The following EP400 variants were observed in gnomAD, a reference collection of about 807,000 sequenced individuals.
EP400 encodes the protein E1A-binding protein p400.
EP400 carries 105 observed loss-of-function variants against 354.1 expected under a neutral mutation model. The ratio of observed to expected loss-of-function variants is 0.30; its 90% confidence interval spans 0.25 to 0.35. EP400 has a LOEUF of 0.35. Among genes scored for constraint, EP400 ranks in the 10% least tolerant of loss-of-function variants. The pLI is 1.00. For synonymous variants in EP400, 1,646 were observed against 1,716.9 expected (o/e 0.96, Z 1.02); for missense variants, 3,280 against 4,121.0 (o/e 0.80, Z 5.59).
Position 132,073,459 on chromosome 12 carries a change from C to CTTTTTTTTTTTTTTTTTTTTTTTTTTT in EP400, c.9022-3043_9022-3042insTTTTTTTTTTTTTTTTTTTTTTTTTTT, listed in dbSNP as rs58724167. Among the ~76,000 whole-genome samples the CTTTTTTTTTTTTTTTTTTTTTTTTTTT allele has an allele frequency of 4.2e-4, 49 of 117,714 alleles. 6 individuals are homozygous for CTTTTTTTTTTTTTTTTTTTTTTTTTTT. The highest frequency in any genetic ancestry group is 1.0e-3 in the African/African-American group (23 of 22,620). 77.2% of individuals were successfully genotyped at this position (117,714 alleles called of 152,430 possible). A position where few individuals can be genotyped will look rare whatever the true frequency, so the allele number is the denominator to read the frequency against. On this transcript the variant is annotated intron_variant, in intron 51 of 52. Coordinates refer to ENST00000389561, the MANE Select transcript of EP400 (RefSeq NM_015409.5). Reference sequence around the variant, plus strand: ...GTGCGTTTTAATTCTGTCCCTTTTCCTTTTTTTTTTTTTTGACACAGTCTT... The same window carrying CTTTTTTTTTTTTTTTTTTTTTTTTTTT: ...GTGCGTTTTAATTCTGTCCCTTTTCCTTTTTTTTTTTTTTTTTTTTTTTTTTTTTTTTTTTTTTTTTGACACAGTCTT...
At chr12:132,041,956 C>CT (rs60120894) in intron 32 of EP400, among the ~76,000 whole-genome samples, 32,657 of 132,908 alleles carry the variant, frequency 0.25, 6,542 homozygotes, top group African/African-American at 0.56. Flanking sequence ...TTTTCTTTTT[C>CT]TTTTTTTTTT....
chr12:132,019,309 T>C (rs1894046042), intron 21 of EP400, among the ~76,000 whole-genome samples: 1 of 152,198 alleles, frequency 6.6e-6, no homozygotes, highest in African/African-American at 2.4e-5. Context: ...CCCAAAGTGG[T>C]AGAATTACAG....
intron 2 of EP400, among the ~76,000 whole-genome samples, chr12:131,977,303 A>ATT (rs769185264): frequency 5.0e-5 from 7 of 140,640 alleles, no homozygotes; most frequent in Non-Finnish European, 4.7e-5. Flanking sequence ...CGTCTGACTA[A>ATT]TTTTTTTTTT....
In EP400 at chr12:132,076,521, A is replaced by C; in HGVS notation, c.9027A>C (p.Ala3009=). ...CTTTTTTTGTTTTGTCAAAGGTTGC[A>C]AAACTTCCTCAAGTTGTTCAACAGC... The part of the protein sequence containing the change: ...AQQVQTQIQV[A]KLPQVVQQQT... Residue 3009 remains alanine (A), a synonymous_variant, in exon 52 of 53, where the codon GCA becomes GCC. Transcript: ENST00000389561. 2.5e-6 allele frequency: 4 copies of C among 1,614,192 alleles called. No individual in the cohort carries two copies. Among genetic ancestry groups the C allele is most frequent in the Non-Finnish European group, 3.4e-6 (4 of 1,180,024 alleles).
rs1449549183 is a variant in EP400, at chr12:131,961,104, G to A, written c.485G>A (p.Cys162Tyr). ...AGAPGPGLGL[C>Y]SSSPTGGFVD... ...GCCCCTGGCCCTGGGCTGGGCCTCTGCAGCAGCAGCCCTACAGGGGGCTTC... is the reference window on the plus strand; with the variant it reads ...GCCCCTGGCCCTGGGCTGGGCCTCTACAGCAGCAGCCCTACAGGGGGCTTC... Residue 162 changes from cysteine (C) to tyrosine (Y), a missense_variant, in exon 2 of 53, where the codon TGC becomes TAC. This residue lies in a region of EP400 where 172 missense variants were observed against 242.9 expected (regional missense o/e 0.71). Coordinates refer to ENST00000389561, the MANE Select transcript of EP400 (RefSeq NM_015409.5). 3 of 1,609,032 alleles carry A rather than the reference G, an allele frequency of 1.9e-6. No homozygotes were observed. The highest frequency in any genetic ancestry group is 2.2e-5 in the East Asian group (1 of 44,594).
rs895677794 is a variant in EP400, at chr12:132,013,224, G to A, written c.3611+46G>A. On this transcript the variant is annotated intron_variant, in intron 17 of 52. Coordinates refer to ENST00000389561, the MANE Select transcript of EP400 (RefSeq NM_015409.5). This position sits in a 1 kb window ranked among gnomAD's most constrained non-coding sequence, Gnocchi z 4.5. ...TCATTGAGTGTTCTTTGCTGTTGAT[G>A]TAGAAGATTCTCTTGAAGAAATCTG... 15 of 1,563,862 alleles carry A rather than the reference G, an allele frequency of 9.6e-6. No individual in the cohort carries two copies. Among genetic ancestry groups the A allele is most frequent in the Non-Finnish European group, 1.0e-5 (12 of 1,150,786 alleles).
intron 6 of EP400, 89 bp downstream of exon 6, chr12:131,986,896 G>A (rs1289444942): frequency 7.0e-6 from 10 of 1,432,008 alleles, no homozygotes; most frequent in South Asian, 5.4e-5. Context: ...GCGTAAAACC[G>A]AATGCCTGGT....
chr12:132,025,907 C>T lies in EP400; in HGVS notation c.5014+103C>T, dbSNP rs1475350375. The T allele has an allele frequency of 4.5e-6, 6 of 1,340,034 alleles. No homozygotes were observed. The Admixed American group carries it at 9.2e-5, about 20-fold the overall frequency. The allele number at this position is 1,340,034 out of a possible 1,614,324, so 83.0% of individuals were successfully genotyped here. A position where few individuals can be genotyped will look rare whatever the true frequency, so the allele number is the denominator to read the frequency against. ...ATGTGTCTTTGACTGTATCTCAGAA[C>T]AGCACAGTCTAGTGTGTGGCCATCT... On this transcript the variant is annotated intron_variant, in intron 25 of 52. Transcript: ENST00000389561. This position sits in a 1 kb window ranked among gnomAD's most constrained non-coding sequence, Gnocchi z 4.1.
intron 1 of EP400, among the ~76,000 whole-genome samples, chr12:131,951,662 C>A (rs1381051821): frequency 6.6e-6 from 1 of 152,130 alleles, no homozygotes; most frequent in Non-Finnish European, 1.5e-5. Flanking sequence ...AGTGCAGTGG[C>A]GCGATCTCGG....
intron 1 of EP400, among the ~76,000 whole-genome samples, chr12:131,950,769 T>G (rs892196098): frequency 1.3e-5 from 2 of 152,252 alleles, no homozygotes; most frequent in East Asian, 1.9e-4. Flanking sequence ...GTAATTACTT[T>G]CTGAGACGGG....
rs1308278862 is a variant in EP400, at chr12:132,067,338, C to T, written c.8750-24C>T. 1.2e-6 allele frequency: 2 copies of T among 1,609,950 alleles called. No homozygotes were observed. Among genetic ancestry groups the T allele is most frequent in the Admixed American group, 1.7e-5 (1 of 59,732 alleles). On this transcript the variant is annotated intron_variant, in intron 49 of 52. Coordinates refer to ENST00000389561, the MANE Select transcript of EP400 (RefSeq NM_015409.5). The surrounding 1 kb of genome is among the most constrained non-coding windows in gnomAD (Gnocchi z 5.3). ...TCAAGCTCTTTTCCCAGTGTGCTGA[C>T]TAAGGGGCTTTTGCTGCCTGCAGGA...
At chr12:132,051,275 C>T (rs1895278193) in intron 41 of EP400, among the ~76,000 whole-genome samples, 1 of 152,140 alleles carries the variant, frequency 6.6e-6, no homozygotes, top group Non-Finnish European at 1.5e-5. Flanking sequence ...TCTGTAGGCT[C>T]CAACCCTACA....
chr12:131,950,403 G>T (rs1402783216), intron 1 of EP400, among the ~76,000 whole-genome samples: 2 of 152,216 alleles, frequency 1.3e-5, no homozygotes, highest in Non-Finnish European at 2.9e-5. Context: ...CGGGGCTGAG[G>T]GGGTGGCTCT....
rs1267800118 is a variant in EP400 at position 131,961,338 on chromosome 12, A to T, written c.719A>T (p.Gln240Leu). 2.1e-6 allele frequency: 3 copies of T among 1,396,110 alleles called. No individual in the cohort carries two copies. In the Admixed American group the frequency reaches 6.0e-5, roughly 28 times the overall value. The allele number at this position is 1,396,110 out of a possible 1,614,324, so 86.5% of individuals were successfully genotyped here. Residue 240 changes from glutamine to leucine, a missense_variant, in exon 2 of 53, where the codon CAG becomes CTG. By Grantham distance (113) the Gln-to-Leu change is moderately radical (BLOSUM62 -2). This residue lies in a region of EP400 where 3 missense variants were observed against 80.7 expected (regional missense o/e 0.04). Coordinates refer to ENST00000389561, the MANE Select transcript of EP400 (RefSeq NM_015409.5). ...SGGTIHHLGPQSPAAAGGAGL... is the reference protein window; with the variant it reads ...SGGTIHHLGPLSPAAAGGAGL... ...GGCACCATCCACCACCTGGGACCCC[A>T]GAGCCCTGCAGCCGCGGGTGGGGCC... is the stretch of plus-strand genomic sequence containing the variant.
chr12:131,984,890 A>G (rs748773794), intron 5 of EP400, among the ~76,000 whole-genome samples: 1 of 152,008 alleles, frequency 6.6e-6, no homozygotes, highest in Admixed American at 6.6e-5. Flanking sequence ...CAGCAGAGAA[A>G]TGATTTATTT....
chr12:132,033,079 C>T (rs1894578541), intron 30 of EP400, among the ~76,000 whole-genome samples: 1 of 152,104 alleles, frequency 6.6e-6, no homozygotes, highest in Non-Finnish European at 1.5e-5. Flanking sequence ...CCCCGAGGAG[C>T]TGAGGTTACA....
chr12:132,013,231 A>C lies in EP400; in HGVS notation c.3611+53A>C. 6.4e-7 allele frequency: 1 copy of C among 1,551,570 alleles called. No individual in the cohort carries two copies. The highest frequency in any genetic ancestry group is 8.7e-7 in the Non-Finnish European group (1 of 1,145,340). ...GTGTTCTTTGCTGTTGATGTAGAAG[A>C]TTCTCTTGAAGAAATCTGCATAATT... On this transcript the variant is annotated intron_variant, in intron 17 of 52. Transcript: ENST00000389561. The surrounding 1 kb of genome is among the most constrained non-coding windows in gnomAD (Gnocchi z 4.5).
Position 132,050,232 on chromosome 12 carries a change from C to T in EP400, c.7201-91C>T. On this transcript the variant is annotated intron_variant, in intron 39 of 52. Transcript: ENST00000389561. This position sits in a 1 kb window ranked among gnomAD's most constrained non-coding sequence, Gnocchi z 4.8. ...TTGTGTTCAGCCATGGGGAGTTTAG[C>T]CTCAGATTCCCACCCAGTGAGCCCT... The T allele has an allele frequency of 6.7e-7, 1 of 1,488,162 alleles. No individual in the cohort carries two copies. The highest frequency in any genetic ancestry group is 9.1e-7 in the Non-Finnish European group (1 of 1,094,392). The allele number at this position is 1,488,162 out of a possible 1,614,324, so 92.2% of individuals were successfully genotyped here. A position where few individuals can be genotyped will look rare whatever the true frequency, so the allele number is the denominator to read the frequency against.
At chr12:131,977,123 T>TTTTTTG (rs747177550) in intron 2 of EP400, among the ~76,000 whole-genome samples, 3 of 152,056 alleles carry the variant, frequency 2.0e-5, no homozygotes, top group Admixed American at 6.6e-5. Flanking sequence ...CTGGATTATG[T>TTTTTTG]TTTTTGTTTT....
Sources: gnomAD v4.1 joint callset for allele counts (sites outside exome capture counted in the v4.1 genomes callset) on GRCh38, gnomAD v4.1.1 for gene constraint, gnomAD v4.1.1 regional missense constraint, Gnocchi (gnomAD v3.1) non-coding constraint, MANE v1.5 for transcripts, NCBI Gene and HGNC (gene_info 2026-07-23, HGNC 2026-07-21) for gene names.